Variants in HDAC9 observed in about 807,000 individuals in gnomAD.
The protein encoded by HDAC9 is MEF-2 interacting transcription repressor (MITR) protein.
A neutral mutation model predicts 139.4 loss-of-function variants in HDAC9; 41 were observed. That is an observed-to-expected ratio of 0.29 (90% CI 0.23 to 0.38). The LOEUF is 0.38. Among genes scored for constraint, HDAC9 ranks in the 10% least tolerant of loss-of-function variants. The probability of loss-of-function intolerance (pLI) is 1.00; values close to 1 mark genes in which losing one functional copy is unlikely to be tolerated. For synonymous variants in HDAC9, 517 were observed against 476.2 expected (o/e 1.09, Z -1.12); for missense variants, 1,147 against 1,297.0 (o/e 0.88, Z 1.78).
intron 1 of HDAC9, among the ~76,000 whole-genome samples, chr7:18,124,781 T>C (rs1345623312): frequency 6.6e-6 from 1 of 152,208 alleles, no homozygotes; most frequent in Non-Finnish European, 1.5e-5. Flanking sequence ...GTTTCTGCTT[T>C]CCATATTGCC....
intron 22 of HDAC9, among the ~76,000 whole-genome samples, chr7:18,924,962 A>G (rs537474296): frequency 1.1e-4 from 17 of 152,306 alleles, no homozygotes; most frequent in Middle Eastern, 3.4e-3. Context: ...GCTCAAAGTT[A>G]AAATGCAAGC....
At chr7:18,293,671 C>T (rs971744224) in intron 1 of HDAC9, among the ~76,000 whole-genome samples, 3 of 152,082 alleles carry the variant, frequency 2.0e-5, no homozygotes, top group South Asian at 2.1e-4. Flanking sequence ...GGTTTAGGGT[C>T]GGAAATTTCT....
Position 18,168,882 on chromosome 7 carries a change from T to TG in HDAC9, c.25+6533_25+6534insG, listed in dbSNP as rs1469767212. The stretch of plus-strand genomic sequence containing the variant: ...TCTGAGGAGGTGCAAATGTCTTGTT[T>TG]TTTTTTTTTTTTTTTTGTGTGTGTG... On this transcript the variant is annotated intron_variant, in intron 2 of 12. Coordinates refer to the HDAC9 transcript ENST00000417496. Among the ~76,000 whole-genome samples the TG allele has an allele frequency of 3.4e-4, 35 of 102,588 alleles. No homozygotes were observed. The East Asian group carries it at 9.3e-3, about 27-fold the overall frequency. 67.3% of individuals were successfully genotyped at this position (102,588 alleles called of 152,430 possible). A position where few individuals can be genotyped will look rare whatever the true frequency, so the allele number is the denominator to read the frequency against.
intron 2 of HDAC9, among the ~76,000 whole-genome samples, chr7:18,211,844 GAAGGGT>G (rs1017166770): frequency 2.6e-5 from 4 of 152,284 alleles, no homozygotes; most frequent in South Asian, 2.1e-4. Flanking sequence ...AGCTGAGAAG[GAAGGGT>G]AAGGAGGAGA....
rs151219520 is a variant in HDAC9, at chr7:18,526,285, T to C, written c.22+29961T>C. On this transcript the variant is annotated intron_variant, in intron 2 of 25. Transcript: ENST00000686413. ...TTAGACTGATATACAAGTCTCCCCA[T>C]TGACCACCCCCAATGCCAAAAAGAA... Among the ~76,000 whole-genome samples, 571 of 152,266 alleles carry C rather than the reference T, an allele frequency of 3.8e-3. 4 individuals are homozygous for C. Among genetic ancestry groups the C allele is most frequent in the African/African-American group, 0.013 (538 of 41,558 alleles).
intron 25 of HDAC9, among the ~76,000 whole-genome samples, chr7:18,983,033 T>G (rs899257699): frequency 1.3e-5 from 2 of 152,186 alleles, no homozygotes; most frequent in Non-Finnish European, 2.9e-5. Flanking sequence ...TGTGTATTGT[T>G]GTGCAACAGG....
chr7:18,408,803 A>G (rs1372130875), intron 1 of HDAC9, among the ~76,000 whole-genome samples: 1 of 152,246 alleles, frequency 6.6e-6, no homozygotes, highest in African/African-American at 2.4e-5. Context: ...AAGAGCAAAC[A>G]GTCCTAGAAG....
At chr7:18,655,039 C>T (rs183360445) in intron 11 of HDAC9, among the ~76,000 whole-genome samples, 4 of 152,134 alleles carry the variant, frequency 2.6e-5, no homozygotes, top group Non-Finnish European at 4.4e-5. Context: ...TCTGGGCAAG[C>T]CTGAAGCTGG....
chr7:18,422,741 C>T (rs1165731793), intron 1 of HDAC9, among the ~76,000 whole-genome samples: 2 of 100,496 alleles, frequency 2.0e-5, no homozygotes, highest in East Asian at 2.2e-4. Context: ...GACACACACA[C>T]GCGCACACAC....
chr7:18,614,262 A>G (rs1837979786), intron 6 of HDAC9, among the ~76,000 whole-genome samples: 1 of 152,148 alleles, frequency 6.6e-6, no homozygotes, highest in Non-Finnish European at 1.5e-5. Context: ...CAACTATTTA[A>G]GTGTAACAGA....
upstream of HDAC9, among the ~76,000 whole-genome samples, chr7:18,287,887 G>A (rs967404824): frequency 8.5e-5 from 13 of 152,206 alleles, no homozygotes; most frequent in Admixed American, 5.9e-4. Flanking sequence ...GACTGGACCC[G>A]GAAGTTGTGT....
intron 1 of HDAC9, among the ~76,000 whole-genome samples, chr7:18,094,531 A>G (rs1378832649): frequency 2.0e-5 from 3 of 151,536 alleles, no homozygotes; most frequent in Non-Finnish European, 4.4e-5. Flanking sequence ...CCTAGGCTCA[A>G]GTGATCCTTC....
chr7:18,330,073 A>C (rs1162930852), intron 1 of HDAC9, among the ~76,000 whole-genome samples: 1 of 151,584 alleles, frequency 6.6e-6, no homozygotes, highest in Non-Finnish European at 1.5e-5. Flanking sequence ...TGGGAAAATA[A>C]AAATTTTCTG....
chr7:18,829,224 C>G lies in HDAC9; in HGVS notation c.2378+8C>G, dbSNP rs749334483. 6.2e-7 allele frequency: 1 copy of G among 1,605,676 alleles called. No individual in the cohort carries two copies. Among genetic ancestry groups the G allele is most frequent in the Non-Finnish European group, 8.5e-7 (1 of 1,172,246 alleles). On this transcript the variant is annotated splice_region_variant and intron_variant, in intron 18 of 25. Transcript: ENST00000686413. ...TGAAGAATCCACAGCCATGTAAGTACCAGGGACTGTTGCCCATCTCCAAGC... is the reference window on the plus strand; with the variant it reads ...TGAAGAATCCACAGCCATGTAAGTAGCAGGGACTGTTGCCCATCTCCAAGC...
At chr7:18,593,457 A>G (rs1438603160) in intron 5 of HDAC9, among the ~76,000 whole-genome samples, 2 of 152,108 alleles carry the variant, frequency 1.3e-5, no homozygotes, top group Non-Finnish European at 2.9e-5. Flanking sequence ...TCTTTTCAGT[A>G]AAAAAGGCTA....
intron 12 of HDAC9, among the ~76,000 whole-genome samples, chr7:18,693,190 C>T (rs896556299): frequency 1.3e-5 from 2 of 151,938 alleles, no homozygotes; most frequent in Non-Finnish European, 2.9e-5. Flanking sequence ...AAACAATACA[C>T]TGAGATAAGG....
intron 2 of HDAC9, among the ~76,000 whole-genome samples, chr7:18,223,536 T>A (rs116642981): frequency 0.014 from 2,110 of 152,182 alleles, 53 homozygotes; most frequent in African/African-American, 0.048. Flanking sequence ...TTTTAAATGA[T>A]AGTGCCATAA....
intron 12 of HDAC9, among the ~76,000 whole-genome samples, chr7:18,718,038 C>G (rs1459878392): frequency 1.3e-5 from 2 of 152,048 alleles, no homozygotes; most frequent in Non-Finnish European, 2.9e-5. Context: ...CGTATAGTCA[C>G]TGAATTGACT....
intron 6 of HDAC9, among the ~76,000 whole-genome samples, chr7:18,594,806 G>A (rs367963450): frequency 6.6e-6 from 1 of 151,930 alleles, no homozygotes; most frequent in African/African-American, 2.4e-5. Flanking sequence ...AACGTTGTTT[G>A]CCAAATATAG....
Sources: gnomAD v4.1 joint callset for allele counts (sites outside exome capture counted in the v4.1 genomes callset) on GRCh38, gnomAD v4.1.1 for gene constraint, MANE v1.5 for transcripts, NCBI Gene and HGNC (gene_info 2026-07-23, HGNC 2026-07-21) for gene names.